The following NSMAF variants were observed in gnomAD, a reference collection of about 807,000 sequenced individuals.
The protein encoded by NSMAF is protein FAN.
In NSMAF, 90 loss-of-function variants were observed where a neutral mutation model predicts 134.9. The ratio of observed to expected loss-of-function variants is 0.67; its 90% CI spans 0.56 to 0.79. NSMAF has a LOEUF of 0.79. Ranked by LOEUF, NSMAF falls within the 30% of genes least tolerant of loss-of-function variation. The pLI is 0.00. For missense variants in NSMAF, 1,010 were observed against 1,119.0 expected (o/e 0.90, Z 1.39); for synonymous variants, 358 against 389.6 (o/e 0.92, Z 0.96).
chr8:58,653,998 T>C (rs943900888), intron 1 of NSMAF, among the ~76,000 whole-genome samples: 9 of 152,186 alleles, frequency 5.9e-5, no homozygotes, highest in African/African-American at 2.2e-4. Flanking sequence ...CCAAGAAATT[T>C]GCAACATTTA....
At chr8:58,609,447 C>T (rs1034830120) in intron 10 of NSMAF, among the ~76,000 whole-genome samples, 157 bp downstream of exon 10, 16 of 152,148 alleles carry the variant, frequency 1.1e-4, no homozygotes, top group African/African-American at 3.1e-4. Context: ...CGATTACACA[C>T]GGTGTTTGTA....
At chr8:58,659,285 C>T (rs1318061451) in intron 1 of NSMAF, 2 of 1,520,462 alleles carry the variant, frequency 1.3e-6, no homozygotes, top group Non-Finnish European at 1.8e-6. Context: ...CCGCCGGGAC[C>T]TGCACTGCCG....
chr8:58,591,579 T>A (rs1806025421), intron 23 of NSMAF, among the ~76,000 whole-genome samples: 1 of 146,198 alleles, frequency 6.8e-6, no homozygotes, highest in South Asian at 2.3e-4. Context: ...TTCCATCTCC[T>A]AGATTCAAGC....
rs1805815251 is a variant in NSMAF, at chr8:58,583,546, G to A, written c.*560C>T. 6.6e-6 allele frequency: 1 copy of A among 152,300 alleles called. No homozygotes were observed. 9.4% of individuals were successfully genotyped at this position (152,300 alleles called of 1,614,324 possible). A position where few individuals can be genotyped will look rare whatever the true frequency, so the allele number is the denominator to read the frequency against. ...ATTTTTAATGTAGAAAAGATGAATA[G>A]CTGTAATGAAATACAAACCGTTCCT... On this transcript the variant is annotated 3_prime_UTR_variant, in exon 31 of 31. Coordinates refer to ENST00000038176, the MANE Select transcript of NSMAF (RefSeq NM_003580.4).
At chr8:58,590,769 C>G (rs1472735810) in intron 24 of NSMAF, 98 bp downstream of exon 24, 3 of 1,242,408 alleles carry the variant, frequency 2.4e-6, no homozygotes, top group African/African-American at 1.5e-5. Context: ...CAGGAATAAA[C>G]TCAATTGTTT....
intron 2 of NSMAF, chr8:58,639,931 G>T (rs1807294833): frequency 2.8e-6 from 1 of 359,006 alleles, no homozygotes; most frequent in Non-Finnish European, 5.5e-6. Context: ...GACTCTAAAA[G>T]AGTTTAATTC....
chr8:58,635,132 T>C (rs925070434), intron 5 of NSMAF, 57 bp downstream of exon 5: 5 of 1,260,200 alleles, frequency 4.0e-6, no homozygotes, highest in African/African-American at 1.5e-5. Context: ...ATTTCATTCA[T>C]GCACATATAT....
Position 58,590,947 on chromosome 8 carries a change from T to C in NSMAF, c.1952-13A>G. 6.4e-7 allele frequency: 1 copy of C among 1,566,968 alleles called. No homozygotes were observed. The highest frequency in any genetic ancestry group is 1.7e-4 in the Middle Eastern group (1 of 5,856). On this transcript the variant is annotated splice_polypyrimidine_tract_variant and intron_variant, in intron 23 of 30. Transcript: ENST00000038176. ...TTCAAGGTGGAATCTAATTTAATAA[T>C]GAGAAGTAGATATATAAGAAAGATT...
rs562852195 is a variant in NSMAF, at chr8:58,623,205, T to G, written c.557+15A>C. ...CCACCACTTTTCTAATTAGGAAAGATCATTAGAAACTTACCTGTTTTTGTC... is the reference window on the plus strand; with the variant it reads ...CCACCACTTTTCTAATTAGGAAAGAGCATTAGAAACTTACCTGTTTTTGTC... On this transcript the variant is annotated intron_variant, in intron 9 of 30. Transcript: ENST00000038176. 1 of 1,581,340 alleles carries G rather than the reference T, an allele frequency of 6.3e-7. No homozygotes were observed. The highest frequency in any genetic ancestry group is 8.7e-7 in the Non-Finnish European group (1 of 1,152,558).
chr8:58,587,854 C>A (rs1189999650), intron 26 of NSMAF, among the ~76,000 whole-genome samples, 153 bp from the exon 27 acceptor site: 1 of 152,234 alleles, frequency 6.6e-6, no homozygotes, highest in Admixed American at 6.5e-5. Context: ...CCTCCCTATG[C>A]CTGCACTTTC....
intron 23 of NSMAF, 122 bp from the exon 24 acceptor site, chr8:58,591,056 C>A: frequency 8.6e-7 from 1 of 1,168,670 alleles, no homozygotes; most frequent in South Asian, 1.6e-5. Flanking sequence ...AAAGTATAAT[C>A]TTATGGAAAA....
intron 9 of NSMAF, among the ~76,000 whole-genome samples, chr8:58,610,008 C>T (rs1806491658): frequency 6.6e-6 from 1 of 152,164 alleles, no homozygotes; most frequent in Non-Finnish European, 1.5e-5. Flanking sequence ...TAGCTAAACT[C>T]ATTCCCCCCA....
chr8:58,655,210 G>A (rs774277221), intron 1 of NSMAF, among the ~76,000 whole-genome samples: 2 of 152,014 alleles, frequency 1.3e-5, no homozygotes, highest in Admixed American at 6.6e-5. Flanking sequence ...GAGTTCAAAC[G>A]ATCTTTGTGC....
rs1359985062 is a variant in NSMAF at position 58,601,199 on chromosome 8, A to G, written c.1280+86T>C. 1.3e-5 allele frequency: 15 copies of G among 1,145,388 alleles called. No individual in the cohort carries two copies. In the East Asian group the frequency reaches 3.5e-4, roughly 26 times the overall value. 71.0% of individuals were successfully genotyped at this position (1,145,388 alleles called of 1,614,324 possible). A position where few individuals can be genotyped will look rare whatever the true frequency, so the allele number is the denominator to read the frequency against. ...ATTTTTTACATTTCTTTACTTTTTT[A>G]TTATATCCAGTGCTTTGAAACAAGT... is the stretch of plus-strand genomic sequence containing the variant. On this transcript the variant is annotated intron_variant, in intron 16 of 30. Transcript: ENST00000038176.
At chr8:58,586,324 T>G in intron 28 of NSMAF, 134 bp downstream of exon 28, 1 of 901,528 alleles carries the variant, frequency 1.1e-6, no homozygotes. Flanking sequence ...TGTTAGCCAT[T>G]GGCAAAACCT....
chr8:58,586,440 A>T lies in NSMAF; in HGVS notation c.2446+18T>A, dbSNP rs763481658. The T allele has an allele frequency of 1.9e-6, 3 of 1,608,524 alleles. No individual in the cohort carries two copies. The highest frequency in any genetic ancestry group is 2.6e-6 in the Non-Finnish European group (3 of 1,175,886). On this transcript the variant is annotated intron_variant, in intron 28 of 30. Transcript: ENST00000038176. ...CAATTTACCTAGTATTATCTGTTTT[A>T]AAAAGGATAATATCTACCTGGGCTA...
Position 58,583,976 on chromosome 8 carries a change from A to T in NSMAF, c.*130T>A. 1.3e-6 allele frequency: 1 copy of T among 754,270 alleles called. No individual in the cohort carries two copies. The highest frequency in any genetic ancestry group is 2.3e-6 in the Non-Finnish European group (1 of 439,110). 46.7% of individuals were successfully genotyped at this position (754,270 alleles called of 1,614,324 possible). A position where few individuals can be genotyped will look rare whatever the true frequency, so the allele number is the denominator to read the frequency against. On this transcript the variant is annotated 3_prime_UTR_variant, in exon 31 of 31. Coordinates refer to ENST00000038176, the MANE Select transcript of NSMAF (RefSeq NM_003580.4). ...GAAGTCACCATGATTTAGAAAGTTT[A>T]AAACCACAAATTTTCCATGTGGTAA...
intron 30 of NSMAF, among the ~76,000 whole-genome samples, chr8:58,584,949 T>G (rs1171548554): frequency 6.6e-6 from 1 of 152,178 alleles, no homozygotes; most frequent in Non-Finnish European, 1.5e-5. Flanking sequence ...AGGTATACAT[T>G]TAAGAAGAAC....
chr8:58,590,627 T>G (rs1443372398), intron 24 of NSMAF, among the ~76,000 whole-genome samples: 1 of 152,198 alleles, frequency 6.6e-6, no homozygotes, highest in Non-Finnish European at 1.5e-5. Context: ...TAAGTAGAAT[T>G]CTACTGGGTA....
Sources: allele counts gnomAD v4.1 joint callset (sites outside exome capture counted in the v4.1 genomes callset), GRCh38; gene constraint gnomAD v4.1.1; transcripts MANE v1.5; gene names NCBI Gene and HGNC (gene_info 2026-07-23, HGNC 2026-07-21).